The following KCNH7 variants were observed in gnomAD, a reference collection of about 807,000 sequenced individuals.
KCNH7 encodes the protein voltage-gated inwardly rectifying potassium channel KCNH7.
KCNH7 carries 49 observed loss-of-function variants against 120.8 expected under a neutral mutation model. That is an observed-to-expected ratio of 0.41 (90% CI 0.32 to 0.51). The LOEUF is 0.51. Among genes scored for constraint, KCNH7 ranks in the 20% least tolerant of loss-of-function variants. KCNH7 has a pLI of 0.38. For missense variants in KCNH7, 1,097 were observed against 1,446.6 expected (o/e 0.76, Z 3.92); for synonymous variants, 547 against 516.1 (o/e 1.06, Z -0.81).
At chr2:162,813,220 A>G (rs1462743708) in intron 2 of KCNH7, among the ~76,000 whole-genome samples, 1 of 152,106 alleles carries the variant, frequency 6.6e-6, no homozygotes, top group Non-Finnish European at 1.5e-5. Flanking sequence ...TCTCTCCAGA[A>G]CCCAAGCAGG....
At position 162,473,120 on chromosome 2, in the gene KCNH7, A is replaced by G. The variant is rs553208545; in HGVS notation, c.1129-26677T>C. ...TAGCATTAGGAGATATACCTAATGTAAATGATGAGTTAATGGGTGCAGCAC... is the reference window on the plus strand; with the variant it reads ...TAGCATTAGGAGATATACCTAATGTGAATGATGAGTTAATGGGTGCAGCAC... On this transcript the variant is annotated intron_variant, in intron 6 of 15. Transcript: ENST00000332142. Among the ~76,000 whole-genome samples, 30 of 152,246 alleles carry G rather than the reference A, an allele frequency of 2.0e-4. 1 individual carries two copies. The highest frequency in any genetic ancestry group is 1.2e-3 in the South Asian group (6 of 4,810).
intron 2 of KCNH7, among the ~76,000 whole-genome samples, chr2:162,552,758 A>G (rs1053085711): frequency 1.3e-5 from 2 of 152,202 alleles, no homozygotes; most frequent in African/African-American, 4.8e-5. Context: ...TGAGAAGGGA[A>G]GCCCCTGGGA....
At chr2:162,812,140 A>G (rs1395853671) in intron 2 of KCNH7, among the ~76,000 whole-genome samples, 1 of 152,152 alleles carries the variant, frequency 6.6e-6, no homozygotes, top group East Asian at 1.9e-4. Context: ...CAAAAGCTTG[A>G]TAAGTATCAG....
At chr2:162,439,902 A>C (rs891217554) in intron 7 of KCNH7, among the ~76,000 whole-genome samples, 1 of 151,712 alleles carries the variant, frequency 6.6e-6, no homozygotes, top group Non-Finnish European at 1.5e-5. Context: ...ACTCAAGAAG[A>C]CTGTGTGGTT....
chr2:162,497,424 C>A (rs570497771), intron 6 of KCNH7, among the ~76,000 whole-genome samples: 13 of 152,146 alleles, frequency 8.5e-5, no homozygotes, highest in Admixed American at 4.6e-4. Context: ...AACAAGAGAC[C>A]GTGCTGGAAA....
intron 7 of KCNH7, among the ~76,000 whole-genome samples, chr2:162,441,791 GT>G (rs1423597957): frequency 6.6e-6 from 1 of 152,004 alleles, no homozygotes; most frequent in Non-Finnish European, 1.5e-5. Flanking sequence ...GTGGTATGAT[GT>G]TTGCTGATGC....
intron 2 of KCNH7, among the ~76,000 whole-genome samples, chr2:162,694,477 A>AGTGTGTGTGT (rs71009366): frequency 0.024 from 3,522 of 146,374 alleles, 125 homozygotes; most frequent in African/African-American, 0.083. Context: ...TGTGTGAAAG[A>AGTGTGTGTGT]GTGTGTGTGT....
chr2:162,502,272 C>T (rs1690711524), intron 6 of KCNH7: 3 of 151,992 alleles, frequency 2.0e-5, no homozygotes, highest in African/African-American at 7.2e-5. Context: ...CTAAGGCCCT[C>T]GTGATGTAGG....
intron 2 of KCNH7, among the ~76,000 whole-genome samples, chr2:162,647,336 G>T (rs1684399456): frequency 6.6e-6 from 1 of 152,116 alleles, no homozygotes; most frequent in Non-Finnish European, 1.5e-5. Context: ...AATAGCTACA[G>T]TAAAAAGCAG....
At chr2:162,546,320 T>A (rs536700180) in intron 2 of KCNH7, among the ~76,000 whole-genome samples, 1 of 152,304 alleles carries the variant, frequency 6.6e-6, no homozygotes, top group South Asian at 2.1e-4. Flanking sequence ...TCTTTTTTTT[T>A]AATGCCCAAG....
chr2:162,588,210 G>A lies in KCNH7; in HGVS notation c.308-51130C>T, dbSNP rs1346554098. On this transcript the variant is annotated intron_variant, in intron 2 of 15. Coordinates refer to ENST00000332142, the MANE Select transcript of KCNH7 (RefSeq NM_033272.4). Reference sequence around the variant, plus strand: ...CACCTCTGAGTGTTACCCACAAAATGATATTAGAAGAAAAGTTAGGGAAAA... The same window carrying A: ...CACCTCTGAGTGTTACCCACAAAATAATATTAGAAGAAAAGTTAGGGAAAA... Among the ~76,000 whole-genome samples the A allele has an allele frequency of 2.0e-5, 3 of 151,986 alleles. No homozygotes were observed. In the East Asian group the frequency reaches 5.8e-4, roughly 30 times the overall value.
intron 2 of KCNH7, among the ~76,000 whole-genome samples, chr2:162,633,211 TG>T (rs772343107): frequency 6.6e-6 from 1 of 151,916 alleles, no homozygotes; most frequent in African/African-American, 2.4e-5. Context: ...TTTTCACATT[TG>T]TCTTGTTAAA....
At chr2:162,614,963 A>C (rs1250235920) in intron 2 of KCNH7, among the ~76,000 whole-genome samples, 1 of 152,118 alleles carries the variant, frequency 6.6e-6, no homozygotes, top group Non-Finnish European at 1.5e-5. Context: ...TAAATTCATA[A>C]AGTATTTCAT....
At chr2:162,800,818 C>T (rs1200946629) in intron 2 of KCNH7, among the ~76,000 whole-genome samples, 1 of 151,868 alleles carries the variant, frequency 6.6e-6, no homozygotes, top group Non-Finnish European at 1.5e-5. Flanking sequence ...TTGCAGAACT[C>T]CCACCTTTAG....
intron 2 of KCNH7, among the ~76,000 whole-genome samples, chr2:162,652,494 G>A (rs1039218738): frequency 4.6e-5 from 7 of 152,138 alleles, no homozygotes; most frequent in African/African-American, 1.7e-4. Flanking sequence ...GATCATCTCA[G>A]ATCATTGGGC....
intron 3 of KCNH7, among the ~76,000 whole-genome samples, chr2:162,534,576 A>G (rs930183746): frequency 6.6e-6 from 1 of 151,742 alleles, no homozygotes; most frequent in South Asian, 2.1e-4. Flanking sequence ...TGAGTAGACC[A>G]TTATTAAAGA....
At chr2:162,409,360 T>C (rs1443918600) in intron 9 of KCNH7, among the ~76,000 whole-genome samples, 1 of 151,912 alleles carries the variant, frequency 6.6e-6, no homozygotes, top group Non-Finnish European at 1.5e-5. Flanking sequence ...TGGAAATTAT[T>C]ATATTGACTA....
intron 2 of KCNH7, among the ~76,000 whole-genome samples, chr2:162,588,070 G>A (rs539425983): frequency 3.3e-5 from 5 of 152,046 alleles, no homozygotes; most frequent in Non-Finnish European, 7.4e-5. Context: ...TCCTCCCATC[G>A]CTCCTGCACT....
chr2:162,654,176 T>A (rs1168281242), intron 2 of KCNH7, among the ~76,000 whole-genome samples: 2 of 146,972 alleles, frequency 1.4e-5, no homozygotes, highest in Non-Finnish European at 1.5e-5. Context: ...AGCTCATACA[T>A]AACAAAGGAA....
Sources: allele counts gnomAD v4.1 joint callset (sites outside exome capture counted in the v4.1 genomes callset), GRCh38; gene constraint gnomAD v4.1.1; transcripts MANE v1.5; gene names NCBI Gene and HGNC (gene_info 2026-07-23, HGNC 2026-07-21).